Variants in CDCA7L observed in about 807,000 individuals in gnomAD.
CDCA7L encodes the protein cell division cycle-associated 7-like protein.
Under a neutral mutation model 57.4 loss-of-function variants are expected in CDCA7L, and 44 were observed. The observed-to-expected ratio is 0.77, with a 90% CI of 0.60 to 0.98. The LOEUF is 0.98. Ranked by LOEUF, CDCA7L falls within the 50% of genes least tolerant of loss-of-function variation. The pLI is 0.00. For synonymous variants in CDCA7L, 236 were observed against 202.8 expected, an observed-to-expected ratio of 1.16 and a Z score of -1.39; for missense variants, 644 against 580.6, an observed-to-expected ratio of 1.11 and a Z score of -1.12.
rs1006422264 is a variant in CDCA7L at position 21,940,262 on chromosome 7, C to T, written c.24+5519G>A. On this transcript the variant is annotated intron_variant, in intron 1 of 9. Coordinates refer to ENST00000406877, the MANE Select transcript of CDCA7L (RefSeq NM_018719.5). The stretch of plus-strand genomic sequence containing the variant: ...GAAAGTGCAACCCTACACCACTTAC[C>T]TGGAAGGAAAAGAACCAGCCCTGAT... The T allele has an allele frequency of 1.7e-5, 17 of 974,800 alleles. No homozygotes were observed. In the African/African-American group the frequency reaches 2.6e-4, roughly 15 times the overall value. 60.4% of individuals were successfully genotyped at this position (974,800 alleles called of 1,614,324 possible). A position where few individuals can be genotyped will look rare whatever the true frequency, so the allele number is the denominator to read the frequency against.
At chr7:21,918,428 T>C (rs371540753) in intron 1 of CDCA7L, among the ~76,000 whole-genome samples, 53 of 152,322 alleles carry the variant, frequency 3.5e-4, no homozygotes, top group Middle Eastern at 6.8e-3. Flanking sequence ...TTCTGCCTCA[T>C]TTTTTAAAAA....
At chr7:21,912,313 C>T (rs1785357843) in intron 2 of CDCA7L, among the ~76,000 whole-genome samples, 2 of 152,096 alleles carry the variant, frequency 1.3e-5, no homozygotes, top group Admixed American at 1.3e-4. Context: ...CGCATACGTA[C>T]ACGTATATAT....
intron 1 of CDCA7L, among the ~76,000 whole-genome samples, chr7:21,930,923 C>A (rs565930561): frequency 4.4e-4 from 67 of 151,892 alleles, no homozygotes; most frequent in Non-Finnish European, 7.4e-4. Context: ...ATCAAATAGA[C>A]ACAATAAAAA....
intron 1 of CDCA7L, among the ~76,000 whole-genome samples, chr7:21,917,130 G>C (rs190798209): frequency 1.2e-4 from 19 of 152,238 alleles, no homozygotes; most frequent in African/African-American, 4.6e-4. Context: ...ATTTTACAGA[G>C]AATGTTAAAA....
chr7:21,942,566 G>A (rs1786372521), intron 1 of CDCA7L, among the ~76,000 whole-genome samples: 1 of 152,158 alleles, frequency 6.6e-6, no homozygotes, highest in Non-Finnish European at 1.5e-5. Context: ...CTCAAGAGCA[G>A]TTTAAATGTA....
At chr7:21,917,816 A>G (rs1237915335) in intron 1 of CDCA7L, among the ~76,000 whole-genome samples, 2 of 152,248 alleles carry the variant, frequency 1.3e-5, no homozygotes, top group Non-Finnish European at 2.9e-5. Flanking sequence ...CCCGAATATA[A>G]TTCAGCACAT....
At position 21,908,400 on chromosome 7, in the gene CDCA7L, T is replaced by A. The variant is rs759460317; in HGVS notation, c.411A>T (p.Arg137Ser). The change falls in exon 4 of 10, where the codon AGA becomes AGT. Residue 137 changes from arginine to serine, a missense_variant. Coordinates refer to ENST00000406877, the MANE Select transcript of CDCA7L (RefSeq NM_018719.5). ...KATPRRSRSRRSSIGLRVAFQ... is the reference protein window; with the variant it reads ...KATPRRSRSRSSSIGLRVAFQ... ...AGGCTACTCGAAGACCAATACTACT[T>A]CTTCTAGACCTGCTTCTTCTAGGGG... The A allele has an allele frequency of 5.2e-5, 84 of 1,607,642 alleles. No individual in the cohort carries two copies. In the Middle Eastern group the frequency reaches 1.2e-3, roughly 22 times the overall value.
Position 21,900,907 on chromosome 7 carries a change from A to AACCAGAATGTTGAATGTTTATT in CDCA7L, c.*1393_*1414dup, listed in dbSNP as rs2128053126. 1 of 1,477,528 alleles carries AACCAGAATGTTGAATGTTTATT rather than the reference A, an allele frequency of 6.8e-7. No individual in the cohort carries two copies. Among genetic ancestry groups the AACCAGAATGTTGAATGTTTATT allele is most frequent in the South Asian group, 1.6e-5 (1 of 64,400 alleles). The allele number at this position is 1,477,528 out of a possible 1,614,324, so 91.5% of individuals were successfully genotyped here. On this transcript the variant is annotated 3_prime_UTR_variant, in exon 10 of 10. Transcript: ENST00000406877. ...CCACTGACAAGCAAAAATATGACAA[A>AACCAGAATGTTGAATGTTTATT]ACCAGAATGTTGAATGTTTATTGCA...
chr7:21,925,647 T>G (rs1049556404), intron 1 of CDCA7L, among the ~76,000 whole-genome samples: 2 of 152,156 alleles, frequency 1.3e-5, no homozygotes, highest in African/African-American at 4.8e-5. Flanking sequence ...CCCAGTGCTG[T>G]GGGAGACCAA....
chr7:21,928,158 C>T lies in CDCA7L; in HGVS notation c.25-11264G>A, dbSNP rs570094350. ...CTTTGCTGTTCTGCAACCTCGCAAA[C>T]GGTCTGGAGCGGGCCTCCAGCAAAC... On this transcript the variant is annotated intron_variant, in intron 1 of 9. Coordinates refer to ENST00000406877, the MANE Select transcript of CDCA7L (RefSeq NM_018719.5). Among the ~76,000 whole-genome samples, 36 of 152,024 alleles carry T rather than the reference C, an allele frequency of 2.4e-4. 1 individual carries two copies. The highest frequency in any genetic ancestry group is 7.0e-4 in the African/African-American group (29 of 41,494).
At position 21,906,445 on chromosome 7, in the gene CDCA7L, T is replaced by C. The variant is rs1217122929; in HGVS notation, c.765A>G (p.Thr255=). The C allele has an allele frequency of 2.5e-6, 4 of 1,609,462 alleles. No homozygotes were observed. Among genetic ancestry groups the C allele is most frequent in the South Asian group, 1.1e-5 (1 of 90,794 alleles). ...GTCCCTCCGAGAAGGCCCGCCTCAC[T>C]GTCTTCTTCCTCTGAAATCAAGAGC... The part of the protein sequence containing the change: ...RTPTSASRKK[T]VRRAFSEGQI... Residue 255 remains threonine (T), a synonymous_variant, in exon 6 of 10, where the codon ACA becomes ACG. Coordinates refer to ENST00000406877, the MANE Select transcript of CDCA7L (RefSeq NM_018719.5).
rs1784806946 is a variant in CDCA7L, at chr7:21,901,181, C to T, written c.*1141G>A. 2 of 1,613,136 alleles carry T rather than the reference C, an allele frequency of 1.2e-6. No individual in the cohort carries two copies. Among genetic ancestry groups the T allele is most frequent in the Non-Finnish European group, 1.7e-6 (2 of 1,179,492 alleles). On this transcript the variant is annotated 3_prime_UTR_variant, in exon 10 of 10. Coordinates refer to ENST00000406877, the MANE Select transcript of CDCA7L (RefSeq NM_018719.5). ...CTGAGAGGCCCCAGCTACATCTGGACCTTCAGGCTGAAGAGCGAAGAGAAG... is the reference window on the plus strand; with the variant it reads ...CTGAGAGGCCCCAGCTACATCTGGATCTTCAGGCTGAAGAGCGAAGAGAAG...
At position 21,901,982 on chromosome 7, in the gene CDCA7L, A is replaced by ACAAT; in HGVS notation, c.*339_*340insATTG. Reference sequence around the variant, plus strand: ...TGGGAAGCCAAAGATAGATAGATCAAGTGCAGGAGCTGATCATACAATGTT... The same window carrying ACAAT: ...TGGGAAGCCAAAGATAGATAGATCAACAATGTGCAGGAGCTGATCATACAATGTT... On this transcript the variant is annotated 3_prime_UTR_variant, in exon 10 of 10. Coordinates refer to ENST00000406877, the MANE Select transcript of CDCA7L (RefSeq NM_018719.5). 1 of 291,820 alleles carries ACAAT rather than the reference A, an allele frequency of 3.4e-6. No individual in the cohort carries two copies. Among genetic ancestry groups the ACAAT allele is most frequent in the Admixed American group, 4.5e-5 (1 of 22,292 alleles). 18.1% of individuals were successfully genotyped at this position (291,820 alleles called of 1,614,324 possible).
In CDCA7L at chr7:21,932,851, C is replaced by G. The variant is rs185781689; in HGVS notation, c.24+12930G>C. On this transcript the variant is annotated intron_variant, in intron 1 of 9. Coordinates refer to ENST00000406877, the MANE Select transcript of CDCA7L (RefSeq NM_018719.5). ...TCTGCACAGCAAAAGAAACTATCAT[C>G]AGAGTGAACAGGCAACTTACAGAAT... Among the ~76,000 whole-genome samples, 151 of 152,082 alleles carry G rather than the reference C, an allele frequency of 9.9e-4. 1 individual carries two copies. Among genetic ancestry groups the G allele is most frequent in the African/African-American group, 3.3e-3 (136 of 41,510 alleles).
At chr7:21,936,644 AT>A (rs1195902078) in intron 1 of CDCA7L, among the ~76,000 whole-genome samples, 1 of 152,122 alleles carries the variant, frequency 6.6e-6, no homozygotes, top group Non-Finnish European at 1.5e-5. Context: ...AAAAAAAAAA[AT>A]AGAAGGAAAC....
In CDCA7L at chr7:21,911,602, T is replaced by G. The variant is rs774063470; in HGVS notation, c.303+15A>C. ...AAACGTTACCACCCACATCCCTTCC[T>G]GTTGTAATTATTACCATTACTTCTG... is the stretch of plus-strand genomic sequence containing the variant. On this transcript the variant is annotated intron_variant, in intron 3 of 9. Coordinates refer to ENST00000406877, the MANE Select transcript of CDCA7L (RefSeq NM_018719.5). The G allele has an allele frequency of 6.2e-7, 1 of 1,605,042 alleles. No individual in the cohort carries two copies. Among genetic ancestry groups the G allele is most frequent in the Non-Finnish European group, 8.5e-7 (1 of 1,177,440 alleles).
At chr7:21,939,496 T>A (rs1022767723) in intron 1 of CDCA7L, among the ~76,000 whole-genome samples, 18 of 152,198 alleles carry the variant, frequency 1.2e-4, no homozygotes, top group African/African-American at 4.1e-4. Context: ...TTGGCAGAGA[T>A]CCTGGGAGTG....
Position 21,902,069 on chromosome 7 carries a change from A to T in CDCA7L, c.*253T>A. Reference sequence around the variant, plus strand: ...CCCATTTAAACTGTGCTTTTTAATAACTGGCAGATATTTTTAACAAAGTTC... The same window carrying T: ...CCCATTTAAACTGTGCTTTTTAATATCTGGCAGATATTTTTAACAAAGTTC... On this transcript the variant is annotated 3_prime_UTR_variant, in exon 10 of 10. Coordinates refer to ENST00000406877, the MANE Select transcript of CDCA7L (RefSeq NM_018719.5). 4.0e-6 allele frequency: 2 copies of T among 498,470 alleles called. No homozygotes were observed. The highest frequency in any genetic ancestry group is 3.6e-6 in the Non-Finnish European group (1 of 277,530). The allele number at this position is 498,470 out of a possible 1,614,324, so 30.9% of individuals were successfully genotyped here. A position where few individuals can be genotyped will look rare whatever the true frequency, so the allele number is the denominator to read the frequency against.
chr7:21,943,830 GTTTA>G (rs1786422414), intron 1 of CDCA7L, among the ~76,000 whole-genome samples: 1 of 152,018 alleles, frequency 6.6e-6, no homozygotes, highest in African/African-American at 2.4e-5. Flanking sequence ...ATGATAAATA[GTTTA>G]TTTAACATTT....
Sources: gnomAD v4.1 joint callset for allele counts (sites outside exome capture counted in the v4.1 genomes callset) on GRCh38, gnomAD v4.1.1 for gene constraint, MANE v1.5 for transcripts, NCBI Gene and HGNC (gene_info 2026-07-23, HGNC 2026-07-21) for gene names.